The following LTN1 variants were observed in gnomAD, a reference collection of about 807,000 sequenced individuals.
LTN1 encodes the protein listerin E3 ubiquitin protein ligase 1.
Under a neutral mutation model 201.2 loss-of-function variants are expected in LTN1, and 88 were observed. The ratio of observed to expected loss-of-function variants is 0.44; its 90% confidence interval spans 0.37 to 0.52. LTN1 has a LOEUF of 0.52. Among genes scored for constraint, LTN1 ranks in the 20% least tolerant of loss-of-function variants. The probability of loss-of-function intolerance (pLI) is 0.00; values close to 1 mark genes in which losing one functional copy is unlikely to be tolerated. For synonymous variants in LTN1, 645 were observed against 713.5 expected (o/e 0.90, Z 1.53); for missense variants, 1,752 against 2,038.7 (o/e 0.86, Z 2.71).
intron 25 of LTN1, among the ~76,000 whole-genome samples, chr21:28,938,278 G>A (rs889740592): frequency 6.6e-6 from 1 of 152,048 alleles, no homozygotes; most frequent in Non-Finnish European, 1.5e-5. Flanking sequence ...GTGATCTTAG[G>A]AGATATATGC....
Position 28,941,301 on chromosome 21 carries a change from C to T in LTN1, c.4401G>A (p.Leu1467=), listed in dbSNP as rs1279410786. The change falls in exon 25 of 30, where the codon CTG becomes CTA. Residue 1467 remains leucine (L), a synonymous_variant. Coordinates refer to ENST00000361371, the MANE Select transcript of LTN1 (RefSeq NM_015565.3). Reference sequence around the variant, plus strand: ...CCAGAACATAACAGAAGTCTTCACTCAGTGGTTTAATAGTAACTATCTGTC... The same window carrying T: ...CCAGAACATAACAGAAGTCTTCACTTAGTGGTTTAATAGTAACTATCTGTC... ...PVGQIVTIKP[L]SEDFCYVLGY... The T allele has an allele frequency of 6.2e-7, 1 of 1,613,056 alleles. No homozygotes were observed. Among genetic ancestry groups the T allele is most frequent in the Non-Finnish European group, 8.5e-7 (1 of 1,179,322 alleles).
Position 28,984,703 on chromosome 21 carries a change from C to A in LTN1, c.565G>T (p.Glu189Ter). The part of the protein sequence containing the change: ...QPEAIAFCKD[E>*]ITSVLQDHLI... ...ATTCCAGAACTTACACTTGTAATTT[C>A]ATCCTTACAAAATGCTATGGCTTCA... The change falls in exon 4 of 30, where the codon GAA (glutamate) becomes TAA (stop). Residue 189 changes from glutamate (E) to a stop codon, truncating the protein, a stop_gained. Coordinates refer to ENST00000361371, the MANE Select transcript of LTN1 (RefSeq NM_015565.3). LOFTEE classifies it high-confidence loss of function. 6.2e-7 allele frequency: 1 copy of A among 1,610,814 alleles called. No individual in the cohort carries two copies. Among genetic ancestry groups the A allele is most frequent in the South Asian group, 1.1e-5 (1 of 90,566 alleles).
intron 9 of LTN1, 111 bp from the exon 10 acceptor site, chr21:28,967,290 C>G (rs1026997735): frequency 1.6e-5 from 12 of 765,716 alleles, no homozygotes; most frequent in Non-Finnish European, 2.3e-5. Flanking sequence ...ATTTCATAAG[C>G]TAATGGGTTG....
intron 15 of LTN1, 39 bp from the exon 16 acceptor site, chr21:28,956,987 C>A: frequency 7.9e-7 from 1 of 1,264,770 alleles, no homozygotes; most frequent in South Asian, 1.6e-5. Flanking sequence ...TTATTTATTA[C>A]CTAAGCAATT....
chr21:28,959,375 T>C (rs2084454854), intron 13 of LTN1, 83 bp downstream of exon 13: 2 of 1,471,404 alleles, frequency 1.4e-6, no homozygotes, highest in Non-Finnish European at 1.8e-6. Flanking sequence ...TATAATTCAA[T>C]TAATAAAGCC....
chr21:28,957,034 T>C, intron 15 of LTN1, 86 bp from the exon 16 acceptor site: 1 of 858,282 alleles, frequency 1.2e-6, no homozygotes, highest in Non-Finnish European at 1.7e-6. Flanking sequence ...GAATATTTAT[T>C]ACCAAAACCA....
intron 24 of LTN1, 118 bp downstream of exon 24, chr21:28,943,144 T>C (rs2084310244): frequency 1.9e-6 from 1 of 533,766 alleles, no homozygotes; most frequent in African/African-American, 2.0e-5. Context: ...ACTAAAAAGA[T>C]CTATCTGTAG....
Position 28,946,242 on chromosome 21 carries a change from T to G in LTN1, c.3533A>C (p.Lys1178Thr). The G allele has an allele frequency of 2.5e-6, 4 of 1,588,318 alleles. No individual in the cohort carries two copies. The highest frequency in any genetic ancestry group is 2.4e-5 in the South Asian group (2 of 85,024). ...TAATAGCTCTCCATCATCTATACTT[T>G]TGGTTTGCAGACAAGAATTGAAAAT... Reference protein sequence around the residue: ...LAIFNSCLQTKSIDDGELLHG... With the variant: ...LAIFNSCLQTTSIDDGELLHG... Residue 1178 changes from lysine to threonine, a missense_variant, in exon 20 of 30, where the codon AAA (lysine) becomes ACA (threonine). Coordinates refer to ENST00000361371, the MANE Select transcript of LTN1 (RefSeq NM_015565.3).
intron 26 of LTN1, 140 bp from the exon 27 acceptor site, chr21:28,935,469 A>G: frequency 1.6e-6 from 1 of 612,670 alleles, no homozygotes; most frequent in Non-Finnish European, 2.9e-6. Flanking sequence ...CATACCAGAG[A>G]AACCAGAACT....
rs772022927 is a variant in LTN1 at position 28,967,461 on chromosome 21, A to C, written c.1312-282T>G. 78 of 265,076 alleles carry C rather than the reference A, an allele frequency of 2.9e-4. 1 individual carries two copies. The highest frequency in any genetic ancestry group is 4.2e-4 in the Non-Finnish European group (59 of 140,846). 16.4% of individuals were successfully genotyped at this position (265,076 alleles called of 1,614,324 possible). A position where few individuals can be genotyped will look rare whatever the true frequency, so the allele number is the denominator to read the frequency against. ...ACCAGTGGCAATTACTTAATCATTC[A>C]TGCCTAGTAATGAAGCCTCCATAAA... On this transcript the variant is annotated intron_variant, in intron 9 of 29. Transcript: ENST00000361371.
At chr21:28,966,246 T>C in intron 10 of LTN1, 124 bp downstream of exon 10, 3 of 806,590 alleles carry the variant, frequency 3.7e-6, no homozygotes, top group Non-Finnish European at 5.9e-6. Context: ...CAAATCATGA[T>C]CAAGAATATA....
intron 6 of LTN1, among the ~76,000 whole-genome samples, chr21:28,971,779 T>C (rs1242186048): frequency 6.6e-6 from 1 of 151,902 alleles, no homozygotes; most frequent in African/African-American, 2.4e-5. Flanking sequence ...TCAGGAGAAA[T>C]AAAAGATCTG....
At chr21:28,961,920 A>G (rs1382265000) in intron 11 of LTN1, among the ~76,000 whole-genome samples, 1 of 152,194 alleles carries the variant, frequency 6.6e-6, no homozygotes, top group Non-Finnish European at 1.5e-5. Context: ...CTGAGGCAGG[A>G]GAATCACTTG....
chr21:28,960,370 A>AAAAAG (rs1311196930), intron 12 of LTN1, 147 bp downstream of exon 12: 2 of 585,782 alleles, frequency 3.4e-6, no homozygotes, highest in Non-Finnish European at 5.7e-6. Context: ...AAAAAAAAGA[A>AAAAAG]AAAAGAAAAG....
chr21:28,958,288 G>A (rs559425887), intron 14 of LTN1, 98 bp downstream of exon 14: 1 of 1,161,940 alleles, frequency 8.6e-7, no homozygotes, highest in Non-Finnish European at 1.2e-6. Context: ...AGCCCTACAA[G>A]TCATTTTTCA....
chr21:28,943,785 C>G lies in LTN1; in HGVS notation c.4102G>C (p.Val1368Leu). ...GGTAAGTTTGTTTTTTGGTCAGCAACTAATCTTGCAGGAAGTTTGTGACTC... is the reference window on the plus strand; with the variant it reads ...GGTAAGTTTGTTTTTTGGTCAGCAAGTAATCTTGCAGGAAGTTTGTGACTC... ...LLSHKLPARL[V>L]ADQKTNLPEY... Residue 1368 changes from valine (V) to leucine (L), a missense_variant, in exon 23 of 30, where the codon GTT (valine) becomes CTT (leucine). Val to Leu is a conservative substitution (Grantham distance 32). This residue lies in a region of LTN1 where 1,211 missense variants were observed against 1,312.8 expected (regional missense o/e 0.92). Coordinates refer to ENST00000361371, the MANE Select transcript of LTN1 (RefSeq NM_015565.3). 1 of 1,613,662 alleles carries G rather than the reference C, an allele frequency of 6.2e-7. No individual in the cohort carries two copies.
chr21:28,984,908 G>A lies in LTN1; in HGVS notation c.360C>T (p.Arg120=), dbSNP rs561158256. The A allele has an allele frequency of 8.7e-6, 14 of 1,612,694 alleles. No individual in the cohort carries two copies. Among genetic ancestry groups the A allele is most frequent in the South Asian group, 7.7e-5 (7 of 91,010 alleles). The change falls in exon 4 of 30, where the codon CGC becomes CGT. Residue 120 remains arginine (R), a synonymous_variant. Transcript: ENST00000361371. ...AAGCTTGTTGTGTGGCTTCTCGGAC[G>A]CGACGGTCATGATCCTATTAAAAAT... ...FCKISLDHDR[R]VREATQQAFE...
chr21:28,971,889 C>A (rs2084577922), intron 6 of LTN1, among the ~76,000 whole-genome samples: 2 of 152,030 alleles, frequency 1.3e-5, no homozygotes, highest in African/African-American at 4.8e-5. Context: ...GAAAAAGGAT[C>A]CTGGAAAAAG....
intron 6 of LTN1, among the ~76,000 whole-genome samples, chr21:28,973,684 A>G (rs118042849): frequency 9.3e-4 from 142 of 152,336 alleles, no homozygotes; most frequent in African/African-American, 3.0e-3. Context: ...AACAAAAACC[A>G]TAAGGACTGA....
Sources: allele counts gnomAD v4.1 joint callset (sites outside exome capture counted in the v4.1 genomes callset), GRCh38; gene constraint gnomAD v4.1.1; regional missense constraint gnomAD v4.1.1; transcripts MANE v1.5; gene names NCBI Gene and HGNC (gene_info 2026-07-23, HGNC 2026-07-21).